The following NAALADL2 variants were observed in gnomAD, a reference collection of about 807,000 sequenced individuals.
NAALADL2 encodes the protein N-acetylated alpha-linked acidic dipeptidase like 2.
In NAALADL2, 76 loss-of-function variants were observed where a neutral mutation model predicts 87.2. That is an observed-to-expected ratio of 0.87 (90% CI 0.72 to 1.05). NAALADL2 has a LOEUF of 1.05. Among genes scored for constraint, NAALADL2 ranks in the 50% least tolerant of loss-of-function variants. NAALADL2 has a pLI of 0.00. For synonymous variants in NAALADL2, 354 were observed against 331.0 expected (o/e 1.07, Z -0.75); for missense variants, 1,089 against 945.8 (o/e 1.15, Z -1.99).
chr3:174,714,883 A>G (rs1427287857), intron 2 of NAALADL2, among the ~76,000 whole-genome samples: 5 of 152,176 alleles, frequency 3.3e-5, no homozygotes, highest in Non-Finnish European at 1.5e-5. Flanking sequence ...GCGAGTTTTC[A>G]AAGGGAATGC....
At chr3:175,591,346 G>A (rs1721421415) in intron 10 of NAALADL2, among the ~76,000 whole-genome samples, 1 of 152,016 alleles carries the variant, frequency 6.6e-6, no homozygotes, top group African/African-American at 2.4e-5. Context: ...AGGCTTAGAA[G>A]TTTCCTAAAA....
At chr3:175,431,694 G>A (rs1384001435) in intron 5 of NAALADL2, among the ~76,000 whole-genome samples, 1 of 151,996 alleles carries the variant, frequency 6.6e-6, no homozygotes, top group Non-Finnish European at 1.5e-5. Flanking sequence ...AGTGTTCTGT[G>A]TGAACAGGTC....
At chr3:175,460,664 A>G (rs1478169305) in intron 6 of NAALADL2, among the ~76,000 whole-genome samples, 1 of 152,230 alleles carries the variant, frequency 6.6e-6, no homozygotes, top group Non-Finnish European at 1.5e-5. Context: ...CCAAATATAC[A>G]AAAGCAAAAC....
At chr3:175,732,154 A>G (rs542167074) in intron 11 of NAALADL2, among the ~76,000 whole-genome samples, 65 of 152,280 alleles carry the variant, frequency 4.3e-4, no homozygotes, top group African/African-American at 1.5e-3. Flanking sequence ...CTGCTGGTGT[A>G]GGGGCAAAGG....
chr3:174,628,977 G>C (rs1296281710), intron 2 of NAALADL2, among the ~76,000 whole-genome samples: 1 of 152,142 alleles, frequency 6.6e-6, no homozygotes, highest in African/African-American at 2.4e-5. Context: ...TGAAGACAAA[G>C]AAAAACAGTG....
intron 3 of NAALADL2, among the ~76,000 whole-genome samples, chr3:174,823,240 C>CT (rs946469009): frequency 4.3e-4 from 64 of 147,886 alleles, no homozygotes; most frequent in South Asian, 1.3e-3. Context: ...CTTTCCTCTT[C>CT]TTTTTTTTTT....
At chr3:174,638,607 GATA>G in intron 2 of NAALADL2, among the ~76,000 whole-genome samples, 1 of 152,056 alleles carries the variant, frequency 6.6e-6, no homozygotes, top group Non-Finnish European at 1.5e-5. Flanking sequence ...AAAAAAACTT[GATA>G]ATATTATGTT....
chr3:175,654,997 G>A (rs972277670), intron 11 of NAALADL2, among the ~76,000 whole-genome samples: 5 of 150,796 alleles, frequency 3.3e-5, no homozygotes, highest in South Asian at 2.1e-4. Context: ...TGAATTGTTC[G>A]TGTGACTACG....
chr3:175,459,908 TA>T, intron 6 of NAALADL2: 1 of 304,428 alleles, frequency 3.3e-6, no homozygotes, highest in South Asian at 2.8e-5. Flanking sequence ...TATCTCTCTG[TA>T]TTCTTTTCAC....
intron 4 of NAALADL2, among the ~76,000 whole-genome samples, chr3:175,293,397 A>C (rs1755904157): frequency 6.6e-6 from 1 of 152,232 alleles, no homozygotes; most frequent in Non-Finnish European, 1.5e-5. Flanking sequence ...AGCAGCTAAT[A>C]GTAGCTATTG....
At chr3:175,338,947 A>T (rs73047273) in intron 5 of NAALADL2, among the ~76,000 whole-genome samples, 5,013 of 152,230 alleles carry the variant, frequency 0.033, 258 homozygotes, top group African/African-American at 0.11. Flanking sequence ...GCAAAGTAAC[A>T]GCATTGGTGT....
chr3:175,001,833 C>A (rs181397026), intron 1 of NAALADL2, among the ~76,000 whole-genome samples: 2 of 152,188 alleles, frequency 1.3e-5, no homozygotes, highest in African/African-American at 2.4e-5. Context: ...TTTTTTAGTG[C>A]CAATCTGATG....
chr3:174,814,847 C>T (rs9867956), intron 3 of NAALADL2, among the ~76,000 whole-genome samples: 43,492 of 151,948 alleles, frequency 0.29, 6,565 homozygotes, highest in East Asian at 0.43. Flanking sequence ...CCTGACCCTT[C>T]GGTTGCAAGC....
intron 3 of NAALADL2, among the ~76,000 whole-genome samples, chr3:174,770,556 A>G (rs1279356539): frequency 6.6e-6 from 1 of 152,210 alleles, no homozygotes; most frequent in African/African-American, 2.4e-5. Context: ...CTATTGAGAA[A>G]TAAATATTTT....
intron 5 of NAALADL2, among the ~76,000 whole-genome samples, chr3:175,418,828 C>T (rs1715141627): frequency 6.6e-6 from 1 of 151,952 alleles, no homozygotes; most frequent in Admixed American, 6.6e-5. Flanking sequence ...TACAATAGTT[C>T]TGCTTCAGGC....
intron 1 of NAALADL2, among the ~76,000 whole-genome samples, chr3:175,005,768 CG>C (rs774292007): frequency 2.6e-5 from 4 of 151,998 alleles, no homozygotes; most frequent in Non-Finnish European, 5.9e-5. Flanking sequence ...ATAAATTAAT[CG>C]GGGTGTACAT....
intron 1 of NAALADL2, among the ~76,000 whole-genome samples, chr3:174,861,658 A>T (rs1726524168): frequency 6.6e-6 from 1 of 152,082 alleles, no homozygotes; most frequent in African/African-American, 2.4e-5. Context: ...TTGGAACTCC[A>T]TCAAGTGCTT....
chr3:174,740,172 T>A (rs945514378), intron 3 of NAALADL2, among the ~76,000 whole-genome samples: 19 of 151,858 alleles, frequency 1.3e-4, no homozygotes, highest in African/African-American at 4.6e-4. Flanking sequence ...AACCTAATTT[T>A]TTAAAAAAAT....
rs561925278 is a variant in NAALADL2, at chr3:174,753,374, T to G, written c.-9+15628T>G. On this transcript the variant is annotated intron_variant, in intron 3 of 3. Transcript: ENST00000434257. Reference sequence around the variant, plus strand: ...TACAGGCATGAGCCACTGCTCCTGGTGATCCCCTTTTTTTCTTAAGGATTT... The same window carrying G: ...TACAGGCATGAGCCACTGCTCCTGGGGATCCCCTTTTTTTCTTAAGGATTT... Among the ~76,000 whole-genome samples the G allele has an allele frequency of 1.7e-3, 254 of 152,294 alleles. 1 individual carries two copies. Among genetic ancestry groups the G allele is most frequent in the African/African-American group, 6.0e-3 (249 of 41,582 alleles).
Sources: gnomAD v4.1 joint callset for allele counts (sites outside exome capture counted in the v4.1 genomes callset) on GRCh38, gnomAD v4.1.1 for gene constraint, MANE v1.5 for transcripts, NCBI Gene and HGNC (gene_info 2026-07-23, HGNC 2026-07-21) for gene names.